Variants in KIF13B observed in about 807,000 individuals in gnomAD.
The protein encoded by KIF13B is kinesin-like protein KIF13B.
A neutral mutation model predicts 222.0 loss-of-function variants in KIF13B; 127 were observed. That is an observed-to-expected ratio of 0.57 (90% CI 0.50 to 0.66). The LOEUF (loss-of-function observed/expected upper bound fraction) is 0.66, where lower values mean the gene tolerates loss of function less well. KIF13B is among the 30% of genes least tolerant of loss of function. The probability of loss-of-function intolerance (pLI) is 0.00; values close to 1 mark genes in which losing one functional copy is unlikely to be tolerated. For missense variants in KIF13B, 2,173 were observed against 2,379.0 expected (o/e 0.91, Z 1.80); for synonymous variants, 976 against 919.0 (o/e 1.06, Z -1.12).
At chr8:29,165,326 T>C (rs1222091491) in intron 12 of KIF13B, among the ~76,000 whole-genome samples, 2 of 152,178 alleles carry the variant, frequency 1.3e-5, no homozygotes, top group African/African-American at 4.8e-5. Context: ...TGGAGTAATT[T>C]TGTAATTTCA....
chr8:29,144,476 T>G (rs1455980808), intron 18 of KIF13B, among the ~76,000 whole-genome samples: 4 of 152,136 alleles, frequency 2.6e-5, no homozygotes, highest in Non-Finnish European at 4.4e-5. Context: ...CAGGCTGGTC[T>G]CGAACTCCTG....
chr8:29,162,392 G>A lies in KIF13B; in HGVS notation c.1270-1525C>T, dbSNP rs569702612. Among the ~76,000 whole-genome samples the A allele has an allele frequency of 1.3e-5, 2 of 152,274 alleles. 1 individual carries two copies. Among genetic ancestry groups the A allele is most frequent in the South Asian group, 4.1e-4 (2 of 4,822 alleles). ...AAATTGAAATGTGTATTTTGGTCCT[G>A]GGTCTTCAAATCAAGTCTTTAAATC... On this transcript the variant is annotated intron_variant, in intron 12 of 39. Transcript: ENST00000524189.
rs1455836285 is a variant in KIF13B at position 29,071,877 on chromosome 8, G to C, written c.4961C>G (p.Ser1654Trp). 8.5e-6 allele frequency: 13 copies of C among 1,534,002 alleles called. No homozygotes were observed. The highest frequency in any genetic ancestry group is 1.1e-5 in the Non-Finnish European group (13 of 1,145,314). ...CATGCGCGAGAAGGAGCGCAACTCC[G>C]AGGCCCGCACCCTCCGGACGCGGAA... Reference protein sequence around the residue: ...SPFRVRRVRASELRSFSRMLA... With the variant: ...SPFRVRRVRAWELRSFSRMLA... The change falls in exon 39 of 40, where the codon TCG (serine) becomes TGG (tryptophan). Residue 1654 changes from serine (S) to tryptophan (W), a missense_variant. By Grantham distance (177) the Ser-to-Trp change is radical (BLOSUM62 -3). Coordinates refer to ENST00000524189, the MANE Select transcript of KIF13B (RefSeq NM_015254.4). This position sits in a 1 kb window ranked among gnomAD's most constrained non-coding sequence, Gnocchi z 4.9.
chr8:29,088,637 T>C (rs1808153169), intron 37 of KIF13B, among the ~76,000 whole-genome samples: 1 of 152,186 alleles, frequency 6.6e-6, no homozygotes, highest in Non-Finnish European at 1.5e-5. Flanking sequence ...ATAACAAAGA[T>C]TACTATTTTA....
At chr8:29,178,163 CAG>C (rs1440503363) in intron 8 of KIF13B, among the ~76,000 whole-genome samples, 2 of 151,976 alleles carry the variant, frequency 1.3e-5, no homozygotes, top group Non-Finnish European at 2.9e-5. Flanking sequence ...ATGAAATTTT[CAG>C]AGCAGTATAC....
At chr8:29,089,862 G>A (rs1808213031) in intron 37 of KIF13B, among the ~76,000 whole-genome samples, 1 of 149,784 alleles carries the variant, frequency 6.7e-6, no homozygotes, top group Non-Finnish European at 1.5e-5. Flanking sequence ...CTCCAGCCTG[G>A]GCAACAGAGC....
At chr8:29,143,879 T>C (rs1810932352) in intron 18 of KIF13B, among the ~76,000 whole-genome samples, 1 of 151,756 alleles carries the variant, frequency 6.6e-6, no homozygotes, top group South Asian at 2.1e-4. Flanking sequence ...AAAAAAGTAA[T>C]GTTCTATTAT....
At chr8:29,147,181 C>T (rs1386096104) in intron 17 of KIF13B, among the ~76,000 whole-genome samples, 1 of 152,226 alleles carries the variant, frequency 6.6e-6, no homozygotes, top group Non-Finnish European at 1.5e-5. Context: ...TGGAGCAACA[C>T]CTAACACCAA....
chr8:29,070,161 A>C lies in KIF13B; in HGVS notation c.*343T>G. The C allele has an allele frequency of 3.0e-6, 1 of 336,570 alleles. No individual in the cohort carries two copies. Among genetic ancestry groups the C allele is most frequent in the Non-Finnish European group, 5.5e-6 (1 of 182,626 alleles). 20.8% of individuals were successfully genotyped at this position (336,570 alleles called of 1,614,324 possible). A position where few individuals can be genotyped will look rare whatever the true frequency, so the allele number is the denominator to read the frequency against. On this transcript the variant is annotated 3_prime_UTR_variant, in exon 40 of 40. Coordinates refer to ENST00000524189, the MANE Select transcript of KIF13B (RefSeq NM_015254.4). This position sits in a 1 kb window ranked among gnomAD's most constrained non-coding sequence, Gnocchi z 4.1. The stretch of plus-strand genomic sequence containing the variant: ...CATTAGTGGGGCCACCAGAATGGAA[A>C]TGATAGAAAGAGCAACATAAGGCCC...
At position 29,262,893 on chromosome 8, in the gene KIF13B, C is replaced by G. The variant is rs1426117600; in HGVS notation, c.55+87G>C. 6 of 1,114,938 alleles carry G rather than the reference C, an allele frequency of 5.4e-6. No homozygotes were observed. The Admixed American group carries it at 1.9e-4, about 36-fold the overall frequency. 69.1% of individuals were successfully genotyped at this position (1,114,938 alleles called of 1,614,324 possible). A position where few individuals can be genotyped will look rare whatever the true frequency, so the allele number is the denominator to read the frequency against. ...CCGCCGCTGACTATAGGGGCGGGGC[C>G]GCCGGACCCCCCACGGCGGCCGAGG... On this transcript the variant is annotated intron_variant, in intron 1 of 39. Transcript: ENST00000524189.
At chr8:29,222,851 C>T (rs1814821415) in intron 2 of KIF13B, among the ~76,000 whole-genome samples, 1 of 151,952 alleles carries the variant, frequency 6.6e-6, no homozygotes, top group Non-Finnish European at 1.5e-5. Flanking sequence ...CTGTTAACTT[C>T]ATTATACCTT....
At chr8:29,115,389 C>A (rs1809547022) in intron 31 of KIF13B, among the ~76,000 whole-genome samples, 1 of 150,026 alleles carries the variant, frequency 6.7e-6, no homozygotes, top group Non-Finnish European at 1.5e-5. Context: ...TGCAACGGTG[C>A]AATCTTGGCT....
At chr8:29,168,511 G>A (rs1221465295) in intron 10 of KIF13B, among the ~76,000 whole-genome samples, 2 of 152,228 alleles carry the variant, frequency 1.3e-5, no homozygotes, top group African/African-American at 4.8e-5. Flanking sequence ...TGAAAGTGAT[G>A]GCATGTCACC....
intron 2 of KIF13B, among the ~76,000 whole-genome samples, chr8:29,228,024 A>G (rs1205226028): frequency 6.6e-6 from 1 of 151,628 alleles, no homozygotes; most frequent in African/African-American, 2.4e-5. Context: ...TCAACACTGG[A>G]AATTTTTTTT....
chr8:29,150,273 T>C (rs1811239196), intron 15 of KIF13B, 24 bp downstream of exon 15: 1 of 1,307,970 alleles, frequency 7.6e-7, no homozygotes, highest in Non-Finnish European at 1.1e-6. Context: ...ACAATCTCTT[T>C]AAGGGACATG....
Position 29,236,934 on chromosome 8 carries a change from A to G in KIF13B, c.149+8412T>C, listed in dbSNP as rs1815537507. 2.6e-5 allele frequency among the ~76,000 whole-genome samples: 4 copies of G among 151,882 alleles called. No individual in the cohort carries two copies. The South Asian group carries it at 8.3e-4, about 31-fold the overall frequency. On this transcript the variant is annotated intron_variant, in intron 2 of 39. Coordinates refer to ENST00000524189, the MANE Select transcript of KIF13B (RefSeq NM_015254.4). ...GTTTTTTGTTTTGCTTTTTTTTACT[A>G]GTATGCTTATAGATACATCATGTAA... is the stretch of plus-strand genomic sequence containing the variant.
intron 20 of KIF13B, 45 bp downstream of exon 20, chr8:29,140,423 T>G (rs767105235): frequency 1.9e-6 from 3 of 1,580,918 alleles, no homozygotes; most frequent in Non-Finnish European, 8.6e-7. Context: ...CTCTTGTTTC[T>G]TAAACTATTC....
intron 14 of KIF13B, among the ~76,000 whole-genome samples, chr8:29,152,985 T>G (rs1811367372): frequency 6.6e-6 from 1 of 152,196 alleles, no homozygotes; most frequent in Non-Finnish European, 1.5e-5. Context: ...AATCAAAAAT[T>G]TGTGTGACTT....
In KIF13B at chr8:29,155,767, C is replaced by T. The variant is rs752632859; in HGVS notation, c.1494G>A (p.Thr498=). ...ILPEHCIIDI[T]SEGQVMLTPQ... Reference sequence around the variant, plus strand: ...GAGTCAGCATAACCTGGCCTTCTGACGTGATGTCTATAATACAGTGTTCAG... The same window carrying T: ...GAGTCAGCATAACCTGGCCTTCTGATGTGATGTCTATAATACAGTGTTCAG... Residue 498 remains threonine, a synonymous_variant, in exon 14 of 40, where the codon ACG becomes ACA. Coordinates refer to ENST00000524189, the MANE Select transcript of KIF13B (RefSeq NM_015254.4). The T allele has an allele frequency of 1.1e-5, 18 of 1,603,430 alleles. No homozygotes were observed. Among genetic ancestry groups the T allele is most frequent in the South Asian group, 3.4e-5 (3 of 88,926 alleles).
Sources: gnomAD v4.1 joint callset for allele counts (sites outside exome capture counted in the v4.1 genomes callset) on GRCh38, gnomAD v4.1.1 for gene constraint, Gnocchi (gnomAD v3.1) non-coding constraint, MANE v1.5 for transcripts, NCBI Gene and HGNC (gene_info 2026-07-23, HGNC 2026-07-21) for gene names.